IL1RAPL2: variants seen among roughly 807,000 people sequenced by gnomAD.
IL1RAPL2 encodes the protein interleukin 1 receptor accessory protein like 2.
A neutral mutation model predicts 44.1 loss-of-function variants in IL1RAPL2; 3 were observed. The ratio of observed to expected loss-of-function variants is 0.07; its 90% confidence interval spans 0.03 to 0.18. The LOEUF is 0.18. Ranked by LOEUF, IL1RAPL2 falls within the 10% of genes least tolerant of loss-of-function variation. The pLI is 1.00. For synonymous variants in IL1RAPL2, 181 were observed against 178.8 expected, an observed-to-expected ratio of 1.01 and a Z score of -0.10; for missense variants, 391 against 496.4, an observed-to-expected ratio of 0.79 and a Z score of 2.02.
At chrX:105,214,523 A>G (rs2033835863) in intron 3 of IL1RAPL2, among the ~76,000 whole-genome samples, 1 of 110,950 alleles carries the variant, frequency 9.0e-6, no homozygotes, top group Non-Finnish European at 1.9e-5. Flanking sequence ...ACACAGTAAT[A>G]GTGGGAGACA....
Position 104,742,319 on chromosome X carries a change from A to G in IL1RAPL2, c.82+83324A>G, listed in dbSNP as rs1199407585. 6.3e-5 allele frequency among the ~76,000 whole-genome samples: 7 copies of G among 111,793 alleles called. No individual in the cohort carries two copies. The Admixed American group carries it at 6.7e-4, about 11-fold the overall frequency. ...TATGTTGGGGTATATTCTGAAAGTGAGTAACTTTGGGAAGTTTTAGCAGCC... is the reference window on the plus strand; with the variant it reads ...TATGTTGGGGTATATTCTGAAAGTGGGTAACTTTGGGAAGTTTTAGCAGCC... On this transcript the variant is annotated intron_variant, in intron 2 of 10. Transcript: ENST00000372582.
At chrX:105,748,800 T>G (rs6616589) in intron 8 of IL1RAPL2, among the ~76,000 whole-genome samples, 160 bp from the exon 9 acceptor site, 12,737 of 112,252 alleles carry the variant, frequency 0.11, 1,752 homozygotes, top group African/African-American at 0.39. Context: ...TTACAAAAAT[T>G]TGATTCATAC....
At chrX:104,913,932 G>A (rs1341493846) in intron 2 of IL1RAPL2, among the ~76,000 whole-genome samples, 1 of 112,048 alleles carries the variant, frequency 8.9e-6, no homozygotes, top group Non-Finnish European at 1.9e-5. Flanking sequence ...TTGGTTGGGA[G>A]TGATAAATTT....
rs181830744 is a variant in IL1RAPL2 at position 105,366,355 on chromosome X, T to C, written c.697+98814T>C. On this transcript the variant is annotated intron_variant, in intron 5 of 10. Transcript: ENST00000372582. ...GTTGGTCTCTTTTTCTAGTTTCTTA[T>C]TTTTTTTCCTTCTCTGATCTTTATT... is the stretch of plus-strand genomic sequence containing the variant. 6.9e-4 allele frequency among the ~76,000 whole-genome samples: 76 copies of C among 110,647 alleles called. No homozygotes were observed. The East Asian group carries it at 9.6e-3, about 14-fold the overall frequency.
intron 1 of IL1RAPL2, among the ~76,000 whole-genome samples, chrX:104,622,411 C>T (rs950344038): frequency 9.0e-6 from 1 of 111,182 alleles, no homozygotes; most frequent in African/African-American, 3.3e-5. Flanking sequence ...TTGTAAATGA[C>T]TGTCATGTAG....
At chrX:104,679,130 T>C (rs1204464681) in intron 2 of IL1RAPL2, among the ~76,000 whole-genome samples, 2 of 111,446 alleles carry the variant, frequency 1.8e-5, no homozygotes, top group Non-Finnish European at 3.8e-5. Context: ...TAGCACACAA[T>C]TGTTTAAAAT....
chrX:104,924,351 C>T (rs984202895), intron 2 of IL1RAPL2, among the ~76,000 whole-genome samples: 12 of 111,631 alleles, frequency 1.1e-4, no homozygotes, highest in African/African-American at 3.3e-4. Context: ...ACCAAATGGA[C>T]CTAACAGACA....
intron 1 of IL1RAPL2, among the ~76,000 whole-genome samples, chrX:104,626,301 T>C (rs1255111407): frequency 1.9e-5 from 2 of 106,239 alleles, no homozygotes; most frequent in South Asian, 4.2e-4. Context: ...GTCTCATGCG[T>C]GTGTGTGTGT....
At chrX:105,419,970 CGTA>C in intron 5 of IL1RAPL2, among the ~76,000 whole-genome samples, 1 of 110,515 alleles carries the variant, frequency 9.0e-6, no homozygotes, top group Non-Finnish European at 1.9e-5. Context: ...GTTACAAATG[CGTA>C]TTTGTTACTG....
intron 2 of IL1RAPL2, among the ~76,000 whole-genome samples, chrX:105,122,570 C>T (rs1382811522): frequency 9.0e-6 from 1 of 111,325 alleles, no homozygotes; most frequent in African/African-American, 3.3e-5. Flanking sequence ...GAATCTTGAC[C>T]TTGGCATGTT....
At chrX:104,582,494 T>TTC (rs199968264) in intron 1 of IL1RAPL2, among the ~76,000 whole-genome samples, 78 of 108,565 alleles carry the variant, frequency 7.2e-4, no homozygotes, top group East Asian at 2.9e-3. Flanking sequence ...GCTTTTTCTT[T>TTC]TCTCTCTCTC....
intron 3 of IL1RAPL2, among the ~76,000 whole-genome samples, chrX:105,200,021 G>C (rs944690735): frequency 9.0e-6 from 1 of 111,372 alleles, no homozygotes. Flanking sequence ...TGCCAAGTGA[G>C]AAATTCCGTC....
chrX:105,298,400 G>A (rs1177642454), intron 5 of IL1RAPL2, among the ~76,000 whole-genome samples: 1 of 110,584 alleles, frequency 9.0e-6, no homozygotes, highest in Non-Finnish European at 1.9e-5. Flanking sequence ...CAGAGGTGTA[G>A]GAAAAGCGGG....
At chrX:105,025,308 G>A (rs1366128876) in intron 2 of IL1RAPL2, among the ~76,000 whole-genome samples, 1 of 111,308 alleles carries the variant, frequency 9.0e-6, no homozygotes, top group Non-Finnish European at 1.9e-5. Context: ...GCAACCATGT[G>A]GTTAGAACCA....
At chrX:105,312,287 A>G (rs1392253580) in intron 5 of IL1RAPL2, among the ~76,000 whole-genome samples, 2 of 112,136 alleles carry the variant, frequency 1.8e-5, no homozygotes, top group Non-Finnish European at 3.8e-5. Context: ...GATGCAGCCT[A>G]TTCTCTTTTA....
At chrX:104,632,933 A>G (rs1417406111) in intron 1 of IL1RAPL2, among the ~76,000 whole-genome samples, 2 of 111,515 alleles carry the variant, frequency 1.8e-5, no homozygotes, top group Non-Finnish European at 3.8e-5. Flanking sequence ...TTCAAAGGGA[A>G]TGCTTCCAGT....
chrX:104,695,355 G>A (rs1268433562), intron 2 of IL1RAPL2, among the ~76,000 whole-genome samples: 1 of 111,441 alleles, frequency 9.0e-6, no homozygotes, highest in Non-Finnish European at 1.9e-5. Flanking sequence ...GAGAAAGAGA[G>A]AGAGAGAGAG....
intron 2 of IL1RAPL2, among the ~76,000 whole-genome samples, chrX:104,753,921 CTTTT>C (rs1467700627): frequency 1.8e-5 from 2 of 111,760 alleles, no homozygotes; most frequent in East Asian, 5.7e-4. Flanking sequence ...ATTACCTTTT[CTTTT>C]TGTTTTTATT....
At chrX:105,654,010 TAG>T (rs1202139018) in intron 6 of IL1RAPL2, among the ~76,000 whole-genome samples, 2 of 110,407 alleles carry the variant, frequency 1.8e-5, no homozygotes, top group African/African-American at 3.4e-5. Context: ...CCCTTTATGT[TAG>T]AGAATTGAAT....
Sources: allele counts gnomAD v4.1 joint callset (sites outside exome capture counted in the v4.1 genomes callset), GRCh38; gene constraint gnomAD v4.1.1; transcripts MANE v1.5; gene names NCBI Gene and HGNC (gene_info 2026-07-23, HGNC 2026-07-21).